The following PROS1 variants were observed in gnomAD, a reference collection of about 807,000 sequenced individuals.
PROS1 encodes vitamin K-dependent protein S.
Under a neutral mutation model 75.9 loss-of-function variants are expected in PROS1, and 29 were observed. The observed-to-expected ratio is 0.38, with a 90% CI of 0.28 to 0.52. The LOEUF is 0.52. Among genes scored for constraint, PROS1 ranks in the 20% least tolerant of loss-of-function variants. The pLI is 0.83. For synonymous variants in PROS1, 245 were observed against 280.6 expected, an observed-to-expected ratio of 0.87 and a Z score of 1.27; for missense variants, 680 against 810.3, an observed-to-expected ratio of 0.84 and a Z score of 1.95.
intron 12 of PROS1, among the ~76,000 whole-genome samples, chr3:93,883,799 A>G (rs1056280339): frequency 2.6e-4 from 39 of 151,714 alleles, no homozygotes; most frequent in African/African-American, 9.4e-4. Flanking sequence ...AAAATACAAA[A>G]ATTAGCCGGG....
At chr3:93,973,599 A>G (rs1413833456) in intron 1 of PROS1, 75 bp downstream of exon 1, 1 of 1,508,962 alleles carries the variant, frequency 6.6e-7, no homozygotes, top group East Asian at 2.3e-5. Context: ...CTAGAGAAGA[A>G]AATCCTACCA....
At chr3:93,953,003 CAT>C (rs1209744007) in intron 1 of PROS1, among the ~76,000 whole-genome samples, 5 of 152,158 alleles carry the variant, frequency 3.3e-5, no homozygotes, top group African/African-American at 1.2e-4. Flanking sequence ...TTGCTAGACA[CAT>C]ACACCCTCCC....
In PROS1 at chr3:93,898,518, G is replaced by T. The variant is rs1708536849; in HGVS notation, c.779C>A (p.Pro260His). 1 of 1,612,630 alleles carries T rather than the reference G, an allele frequency of 6.2e-7. No individual in the cohort carries two copies. Among genetic ancestry groups the T allele is most frequent in the Admixed American group, 1.7e-5 (1 of 59,964 alleles). The change falls in exon 8 of 15, where the codon CCT (proline) becomes CAT (histidine). Residue 260 changes from proline to histidine, a missense_variant. Coordinates refer to ENST00000394236, the MANE Select transcript of PROS1 (RefSeq NM_000313.4). ...NMCAQLCVNY[P>H]GGYTCYCDGK... ...ATCACAATAGCAAGTGTAACCTCCA[G>T]GGTAATTGACACAAAGCTGAGCACA...
intron 3 of PROS1, among the ~76,000 whole-genome samples, chr3:93,915,882 A>G (rs1450758774): frequency 1.3e-5 from 2 of 152,018 alleles, no homozygotes; most frequent in Non-Finnish European, 2.9e-5. Flanking sequence ...TTTAGCCATT[A>G]CCCAGTTCCA....
chr3:93,886,351 A>G lies in PROS1; in HGVS notation c.1308T>C (p.Ser436=), dbSNP rs1708348173. 6.2e-7 allele frequency: 1 copy of G among 1,613,598 alleles called. No homozygotes were observed. The highest frequency in any genetic ancestry group is 8.5e-7 in the Non-Finnish European group (1 of 1,179,732). The change falls in exon 11 of 15, where the codon AGT becomes AGC. Residue 436 remains serine (S), a synonymous_variant. Transcript: ENST00000394236. ...GGATCATTACCGGTTTAATGAGTTC[A>G]CTTTCCACTTTCCGAGGGAATCCTG... ...YFAGFPRKVE[S]ELIKPINPRL... is the part of the protein sequence containing the mutation.
At chr3:93,899,735 T>C (rs986012334) in intron 7 of PROS1, among the ~76,000 whole-genome samples, 14 of 152,120 alleles carry the variant, frequency 9.2e-5, no homozygotes, top group Admixed American at 3.9e-4. Flanking sequence ...GGCAACTTCA[T>C]AGAGACAGAA....
chr3:93,913,501 G>A (rs1464613074), intron 3 of PROS1, among the ~76,000 whole-genome samples: 1 of 152,134 alleles, frequency 6.6e-6, no homozygotes, highest in East Asian at 1.9e-4. Flanking sequence ...CAGCCATGTG[G>A]AACTGTGAGT....
At chr3:93,900,753 G>C (rs369443951) in intron 7 of PROS1, 51 bp downstream of exon 7, 1 of 1,609,678 alleles carries the variant, frequency 6.2e-7, no homozygotes, top group Non-Finnish European at 8.5e-7. Flanking sequence ...ATCAGTTCAG[G>C]GTTCACACCC....
At chr3:93,910,106 T>C (rs1298690529) in intron 4 of PROS1, among the ~76,000 whole-genome samples, 1 of 152,212 alleles carries the variant, frequency 6.6e-6, no homozygotes, top group African/African-American at 2.4e-5. Context: ...TTGCACCATT[T>C]GCTTTTACTA....
At chr3:93,938,491 C>T (rs1343379906) in intron 1 of PROS1, among the ~76,000 whole-genome samples, 4 of 152,142 alleles carry the variant, frequency 2.6e-5, no homozygotes, top group South Asian at 2.1e-4. Flanking sequence ...GAGACTTGTC[C>T]CCTGTCCTCG....
At chr3:93,874,891 T>C (rs1708159617) in intron 14 of PROS1, among the ~76,000 whole-genome samples, 1 of 152,110 alleles carries the variant, frequency 6.6e-6, no homozygotes, top group South Asian at 2.1e-4. Flanking sequence ...AACAATTTTT[T>C]TGTTGAGCAT....
At chr3:93,894,772 T>C (rs1437742800) in intron 9 of PROS1, among the ~76,000 whole-genome samples, 1 of 152,206 alleles carries the variant, frequency 6.6e-6, no homozygotes, top group Non-Finnish European at 1.5e-5. Context: ...AGCTATTCTT[T>C]GTGTTGATCA....
chr3:93,904,859 C>T (rs1475096722), intron 6 of PROS1, among the ~76,000 whole-genome samples: 1 of 151,914 alleles, frequency 6.6e-6, no homozygotes. Flanking sequence ...AAAAACAAAA[C>T]AAATACACTA....
Position 93,898,469 on chromosome 3 carries a change from G to A in PROS1, c.828C>T (p.Ala276=). 1 of 1,612,436 alleles carries A rather than the reference G, an allele frequency of 6.2e-7. No homozygotes were observed. Among genetic ancestry groups the A allele is most frequent in the Non-Finnish European group, 8.5e-7 (1 of 1,178,904 alleles). The change falls in exon 8 of 15, where the codon GCC becomes GCT. Residue 276 remains alanine, a synonymous_variant. Coordinates refer to ENST00000394236, the MANE Select transcript of PROS1 (RefSeq NM_000313.4). The part of the protein sequence containing the change: ...YCDGKKGFKL[A]QDQKSCEVVS... ...TTACCTCACAACTCTTCTGATCTTGGGCAAGTTTGAATCCTTTCTTCCCAT... is the reference window on the plus strand; with the variant it reads ...TTACCTCACAACTCTTCTGATCTTGAGCAAGTTTGAATCCTTTCTTCCCAT...
intron 1 of PROS1, among the ~76,000 whole-genome samples, chr3:93,953,099 C>T (rs1436924421): frequency 6.6e-6 from 1 of 152,012 alleles, no homozygotes; most frequent in Non-Finnish European, 1.5e-5. Flanking sequence ...AGCCTACCAA[C>T]CAAAAAAAGA....
chr3:93,886,275 C>A, intron 11 of PROS1, 61 bp downstream of exon 11: 2 of 1,473,100 alleles, frequency 1.4e-6, no homozygotes, highest in South Asian at 1.1e-5. Flanking sequence ...CACACATATT[C>A]AAATCTATTA....
intron 1 of PROS1, among the ~76,000 whole-genome samples, chr3:93,955,393 G>A (rs1306229438): frequency 1.3e-5 from 2 of 152,190 alleles, no homozygotes; most frequent in Non-Finnish European, 2.9e-5. Flanking sequence ...ATACTATGCA[G>A]TCATAAAAAA....
At chr3:93,932,819 C>T (rs1709125176) in intron 1 of PROS1, among the ~76,000 whole-genome samples, 1 of 152,212 alleles carries the variant, frequency 6.6e-6, no homozygotes, top group Non-Finnish European at 1.5e-5. Context: ...ATGCCACCCT[C>T]TGTTCAAGGA....
At chr3:93,946,193 G>A (rs1280268033) in intron 1 of PROS1, among the ~76,000 whole-genome samples, 2 of 152,130 alleles carry the variant, frequency 1.3e-5, no homozygotes, top group African/African-American at 4.8e-5. Flanking sequence ...ATGCTCATGG[G>A]TAGGAAGAAT....
Sources: allele counts gnomAD v4.1 joint callset (sites outside exome capture counted in the v4.1 genomes callset), GRCh38; gene constraint gnomAD v4.1.1; transcripts MANE v1.5; gene names NCBI Gene and HGNC (gene_info 2026-07-23, HGNC 2026-07-21).